Variants in GTF3C1 observed in about 807,000 individuals in gnomAD.
GTF3C1 encodes general transcription factor IIIC subunit 1.
In GTF3C1, 57 loss-of-function variants were observed where a neutral mutation model predicts 226.7. The observed-to-expected ratio is 0.25, with a 90% CI of 0.20 to 0.31. The LOEUF is 0.31. Ranked by LOEUF, GTF3C1 falls within the 10% of genes least tolerant of loss-of-function variation. The pLI is 1.00. For synonymous variants in GTF3C1, 1,090 were observed against 1,084.8 expected (o/e 1.00, Z -0.09); for missense variants, 2,217 against 2,776.1 (o/e 0.80, Z 4.53).
intron 12 of GTF3C1, among the ~76,000 whole-genome samples, chr16:27,499,442 G>A (rs1186468731): frequency 6.6e-6 from 1 of 152,210 alleles, no homozygotes; most frequent in East Asian, 1.9e-4. Flanking sequence ...CCCCCAGGGA[G>A]CCAGGCTTCT....
chr16:27,488,167 G>A (rs1372589030), intron 23 of GTF3C1, 60 bp downstream of exon 23: 31 of 1,462,300 alleles, frequency 2.1e-5, no homozygotes, highest in Non-Finnish European at 2.6e-5. Flanking sequence ...TGAGGCTGTC[G>A]CACATCTCCA....
intron 27 of GTF3C1, among the ~76,000 whole-genome samples, chr16:27,480,027 C>T (rs758368418): frequency 6.6e-5 from 10 of 151,750 alleles, no homozygotes; most frequent in Non-Finnish European, 1.2e-4. Flanking sequence ...GGTGAAACCC[C>T]GTCTCTACTA....
chr16:27,528,442 C>G (rs1235329271), intron 6 of GTF3C1, among the ~76,000 whole-genome samples, 156 bp downstream of exon 6: 1 of 152,082 alleles, frequency 6.6e-6, no homozygotes, highest in Non-Finnish European at 1.5e-5. Flanking sequence ...TTTATATGGA[C>G]AGTCCTGAGC....
At chr16:27,531,206 C>T (rs2088912503) in intron 5 of GTF3C1, among the ~76,000 whole-genome samples, 1 of 152,204 alleles carries the variant, frequency 6.6e-6, no homozygotes, top group South Asian at 2.1e-4. Context: ...GGCTAAAGTC[C>T]CCACTCCTCA....
At position 27,464,362 on chromosome 16, in the gene GTF3C1, T is replaced by C; in HGVS notation, c.5830A>G (p.Ser1944Gly). The C allele has an allele frequency of 6.4e-7, 1 of 1,558,318 alleles. No homozygotes were observed. Among genetic ancestry groups the C allele is most frequent in the African/African-American group, 1.4e-5 (1 of 72,304 alleles). Reference protein sequence around the residue: ...EFSSPGQEQLSGQAQPPEGSE... With the variant: ...EFSSPGQEQLGGQAQPPEGSE... ...CCCTCTGGAGGCTGCGCCTGGCCGCTCAGCTGCTCTTGGCCTGGGGAACTG... is the reference window on the plus strand; with the variant it reads ...CCCTCTGGAGGCTGCGCCTGGCCGCCCAGCTGCTCTTGGCCTGGGGAACTG... The change falls in exon 34 of 37, where the codon AGC becomes GGC. Residue 1944 changes from serine to glycine, a missense_variant. Physicochemically the swap from Ser to Gly is moderately conservative, Grantham distance 56. Coordinates refer to ENST00000356183, the MANE Select transcript of GTF3C1 (RefSeq NM_001520.4).
At chr16:27,508,462 G>C (rs1404896914) in intron 8 of GTF3C1, 78 bp downstream of exon 8, 1 of 1,137,244 alleles carries the variant, frequency 8.8e-7, no homozygotes, top group Admixed American at 1.8e-5. Flanking sequence ...CGAGTCTTCT[G>C]ACTGAGATGC....
At chr16:27,516,971 G>A (rs2088668297) in intron 6 of GTF3C1, among the ~76,000 whole-genome samples, 1 of 152,214 alleles carries the variant, frequency 6.6e-6, no homozygotes, top group Non-Finnish European at 1.5e-5. Flanking sequence ...GTGCTGGAGA[G>A]GCAGCCCAGC....
At chr16:27,509,054 T>G (rs764410617) in intron 7 of GTF3C1, among the ~76,000 whole-genome samples, 1 of 152,228 alleles carries the variant, frequency 6.6e-6, no homozygotes, top group East Asian at 1.9e-4. Flanking sequence ...TCAAAATAAT[T>G]TTTAATTCAG....
chr16:27,470,507 C>A lies in GTF3C1; in HGVS notation c.4527-112G>T. The A allele has an allele frequency of 1.3e-6, 1 of 787,596 alleles. No individual in the cohort carries two copies. 48.8% of individuals were successfully genotyped at this position (787,596 alleles called of 1,614,324 possible). A position where few individuals can be genotyped will look rare whatever the true frequency, so the allele number is the denominator to read the frequency against. On this transcript the variant is annotated intron_variant, in intron 30 of 36. Coordinates refer to ENST00000356183, the MANE Select transcript of GTF3C1 (RefSeq NM_001520.4). The surrounding 1 kb of genome is among the most constrained non-coding windows in gnomAD (Gnocchi z 4.9). Reference sequence around the variant, plus strand: ...TATGGTGAGAACTAAGCAAAACGCCCCACTTCTTCCCTAAAGCTCTCTGTC... The same window carrying A: ...TATGGTGAGAACTAAGCAAAACGCCACACTTCTTCCCTAAAGCTCTCTGTC...
intron 29 of GTF3C1, among the ~76,000 whole-genome samples, chr16:27,473,937 T>C (rs116416560): frequency 0.011 from 1,636 of 152,344 alleles, 43 homozygotes; most frequent in African/African-American, 0.037. Context: ...TGCTCTTCTC[T>C]TCCATTTGAA....
rs769296645 is a variant in GTF3C1, at chr16:27,492,547, C to T, written c.2974-32G>A. 2 of 1,582,148 alleles carry T rather than the reference C, an allele frequency of 1.3e-6. No individual in the cohort carries two copies. Among genetic ancestry groups the T allele is most frequent in the Non-Finnish European group, 8.7e-7 (1 of 1,150,980 alleles). On this transcript the variant is annotated intron_variant, in intron 18 of 36. Coordinates refer to ENST00000356183, the MANE Select transcript of GTF3C1 (RefSeq NM_001520.4). This position sits in a 1 kb window ranked among gnomAD's most constrained non-coding sequence, Gnocchi z 5.0. ...GGAGACACCAGACAGGGAGAACCCACATTGGGTCTGGCTGCTTGGAGACCG... is the reference window on the plus strand; with the variant it reads ...GGAGACACCAGACAGGGAGAACCCATATTGGGTCTGGCTGCTTGGAGACCG...
chr16:27,468,374 T>G (rs1233435482), intron 32 of GTF3C1, among the ~76,000 whole-genome samples: 1 of 152,238 alleles, frequency 6.6e-6, no homozygotes. Context: ...GTCCCAGCAC[T>G]TTGGGAGGCC....
rs748974022 is a variant in GTF3C1, at chr16:27,461,336, C to T, written c.*14G>A. ...CAGGCGGTGGCTGGGAGGGAGGGGA[C>T]GCCCACAGGGGTCCTAGAGGTGGAT... On this transcript the variant is annotated 3_prime_UTR_variant, in exon 37 of 37. Transcript: ENST00000356183. The surrounding 1 kb of genome is among the most constrained non-coding windows in gnomAD (Gnocchi z 5.3). 7.7e-6 allele frequency: 12 copies of T among 1,552,104 alleles called. No homozygotes were observed. In the East Asian group the frequency reaches 9.0e-5, roughly 12 times the overall value.
intron 6 of GTF3C1, among the ~76,000 whole-genome samples, chr16:27,528,280 G>GA (rs916552451): frequency 2.0e-5 from 3 of 151,290 alleles, no homozygotes; most frequent in African/African-American, 4.9e-5. Context: ...AAAAAGCAAA[G>GA]AAAAAAAAGA....
intron 25 of GTF3C1, chr16:27,483,567 C>T: frequency 2.3e-6 from 1 of 433,314 alleles, no homozygotes; most frequent in Non-Finnish European, 4.7e-6. Flanking sequence ...TAAGGAGAGC[C>T]TGACTTGCCC....
At chr16:27,533,542 C>T (rs1032538788) in intron 4 of GTF3C1, among the ~76,000 whole-genome samples, 155 bp from the exon 5 acceptor site, 13 of 152,222 alleles carry the variant, frequency 8.5e-5, no homozygotes, top group Admixed American at 8.5e-4. Flanking sequence ...CAGCCCAACT[C>T]CTACCTTCTA....
At chr16:27,547,009 T>TG (rs2089175099) in intron 1 of GTF3C1, among the ~76,000 whole-genome samples, 1 of 152,160 alleles carries the variant, frequency 6.6e-6, no homozygotes, top group Non-Finnish European at 1.5e-5. Context: ...CCCAAAGTGC[T>TG]GGGATTACAG....
intron 27 of GTF3C1, chr16:27,480,667 T>C (rs980587319): frequency 2.5e-4 from 39 of 158,396 alleles, no homozygotes; most frequent in Middle Eastern, 6.7e-3. Context: ...ATTTAAAAAT[T>C]GTACAGGGTT....
rs372940994 is a variant in GTF3C1, at chr16:27,461,537, C to T, written c.6143G>A (p.Arg2048Gln). The change falls in exon 37 of 37, where the codon CGG (arginine) becomes CAG (glutamine). Residue 2048 changes from arginine to glutamine, a missense_variant. This residue lies in a region of GTF3C1 where 153 missense variants were observed against 199.8 expected (regional missense o/e 0.77). Transcript: ENST00000356183. This position sits in a 1 kb window ranked among gnomAD's most constrained non-coding sequence, Gnocchi z 5.3. ...LQGLESLGCI[R>Q]KRWLRKPRPV... ...CCTTGGCTTTCTCAGCCAGCGCTTC[C>T]GGATGCAGCCGAGGGACTCCAGGCC... is the stretch of plus-strand genomic sequence containing the variant. The T allele has an allele frequency of 4.6e-5, 75 of 1,613,580 alleles. No homozygotes were observed. The highest frequency in any genetic ancestry group is 5.8e-5 in the Non-Finnish European group (68 of 1,179,866).
Sources: gnomAD v4.1 joint callset for allele counts (sites outside exome capture counted in the v4.1 genomes callset) on GRCh38, gnomAD v4.1.1 for gene constraint, gnomAD v4.1.1 regional missense constraint, Gnocchi (gnomAD v3.1) non-coding constraint, MANE v1.5 for transcripts, NCBI Gene and HGNC (gene_info 2026-07-23, HGNC 2026-07-21) for gene names.